The following NCAM2 variants were observed in gnomAD, a reference collection of about 807,000 sequenced individuals.
The protein encoded by NCAM2 is neural cell adhesion molecule 2.
NCAM2 carries 30 observed loss-of-function variants against 98.1 expected under a neutral mutation model. The ratio of observed to expected loss-of-function variants is 0.31; its 90% CI spans 0.23 to 0.41. The LOEUF (loss-of-function observed/expected upper bound fraction) is 0.41, where lower values mean the gene tolerates loss of function less well. NCAM2 is among the 10% of genes least tolerant of loss of function. The probability of loss-of-function intolerance (pLI) is 1.00; values close to 1 mark genes in which losing one functional copy is unlikely to be tolerated. For synonymous variants in NCAM2, 368 were observed against 342.4 expected (o/e 1.07, Z -0.83); for missense variants, 867 against 1,005.8 (o/e 0.86, Z 1.87).
intron 9 of NCAM2, among the ~76,000 whole-genome samples, chr21:21,387,946 C>T (rs1420903209): frequency 2.0e-5 from 3 of 152,172 alleles, no homozygotes; most frequent in Non-Finnish European, 4.4e-5. Flanking sequence ...AATAATTATG[C>T]ATCATAAACA....
At chr21:21,354,729 C>G (rs74781940) in intron 8 of NCAM2, among the ~76,000 whole-genome samples, 3,337 of 152,184 alleles carry the variant, frequency 0.022, 116 homozygotes, top group African/African-American at 0.077. Context: ...GTTTGTGGGT[C>G]CATGCACTTT....
intron 1 of NCAM2, among the ~76,000 whole-genome samples, chr21:21,090,059 A>G (rs1027016585): frequency 4.6e-5 from 7 of 152,160 alleles, no homozygotes; most frequent in Non-Finnish European, 8.8e-5. Context: ...TACTCAAAGC[A>G]TGGACCTAGG....
At chr21:21,241,039 T>G (rs2071045656) in intron 1 of NCAM2, among the ~76,000 whole-genome samples, 1 of 152,178 alleles carries the variant, frequency 6.6e-6, no homozygotes, top group Non-Finnish European at 1.5e-5. Context: ...AATATCATAG[T>G]GATTTGATGG....
rs756898636 is a variant in NCAM2 at position 21,172,652 on chromosome 21, TTTCTC to T, written c.56-107923_56-107919del. ...TTCAGCCTTTAACTGGATAAAGTGT[TTTCTC>T]TTACTTACTAAATGACACTATCAAT... On this transcript the variant is annotated intron_variant, in intron 1 of 17. Transcript: ENST00000400546. 3.9e-5 allele frequency among the ~76,000 whole-genome samples: 6 copies of T among 152,250 alleles called. No homozygotes were observed. In the East Asian group the frequency reaches 5.8e-4, roughly 15 times the overall value.
intron 1 of NCAM2, among the ~76,000 whole-genome samples, chr21:21,148,033 C>T (rs79276773): frequency 0.013 from 1,950 of 152,110 alleles, 47 homozygotes; most frequent in African/African-American, 0.044. Context: ...GGCATTGAGG[C>T]AGAGAGAGTG....
intron 8 of NCAM2, among the ~76,000 whole-genome samples, chr21:21,351,871 G>A (rs2075350246): frequency 6.6e-6 from 1 of 151,858 alleles, no homozygotes; most frequent in Non-Finnish European, 1.5e-5. Context: ...CTCAGCCTCT[G>A]GAGTTGCTAG....
intron 1 of NCAM2, among the ~76,000 whole-genome samples, chr21:21,151,101 T>G (rs2067435101): frequency 1.3e-5 from 2 of 151,908 alleles, no homozygotes; most frequent in South Asian, 4.1e-4. Context: ...CAGTGTTATT[T>G]AAATCAATTA....
intron 5 of NCAM2, 55 bp from the exon 6 acceptor site, chr21:21,324,328 G>A (rs1169152211): frequency 1.6e-6 from 2 of 1,263,372 alleles, no homozygotes; most frequent in African/African-American, 1.5e-5. Context: ...TTCTCTAAAT[G>A]ATGGTAGTGA....
chr21:21,196,346 C>G (rs2069004215), intron 1 of NCAM2, among the ~76,000 whole-genome samples: 1 of 152,194 alleles, frequency 6.6e-6, no homozygotes, highest in Non-Finnish European at 1.5e-5. Flanking sequence ...CAAGATAACT[C>G]TGGTGAGCCA....
chr21:21,185,847 A>G (rs1053072084), intron 1 of NCAM2, among the ~76,000 whole-genome samples: 3 of 152,230 alleles, frequency 2.0e-5, no homozygotes, highest in Non-Finnish European at 4.4e-5. Context: ...AATATATCAT[A>G]TTGAAGAAAA....
chr21:21,453,681 T>C (rs1193804101), intron 12 of NCAM2, among the ~76,000 whole-genome samples: 2 of 152,108 alleles, frequency 1.3e-5, no homozygotes, highest in Non-Finnish European at 2.9e-5. Context: ...TTCTGCCATA[T>C]GTTTAGTAAA....
chr21:21,432,302 T>C (rs1822371043), intron 12 of NCAM2, 21 bp downstream of exon 12: 1 of 1,608,608 alleles, frequency 6.2e-7, no homozygotes, highest in Non-Finnish European at 8.5e-7. Context: ...AATTTCAAAA[T>C]GTGTTGGTTA....
In NCAM2 at chr21:21,158,265, G is replaced by A. The variant is rs112563838; in HGVS notation, c.56-122313G>A. On this transcript the variant is annotated intron_variant, in intron 1 of 17. Transcript: ENST00000400546. Reference sequence around the variant, plus strand: ...ATAGCACATTCACACTGTTTTACTTGAATACAGCTAAATGTGTGTATATAT... The same window carrying A: ...ATAGCACATTCACACTGTTTTACTTAAATACAGCTAAATGTGTGTATATAT... Among the ~76,000 whole-genome samples the A allele has an allele frequency of 9.9e-3, 1,500 of 152,160 alleles. 17 individuals are homozygous for A. Among genetic ancestry groups the A allele is most frequent in the Non-Finnish European group, 0.015 (1,039 of 68,008 alleles).
chr21:21,309,723 T>C (rs968822507), intron 5 of NCAM2, among the ~76,000 whole-genome samples: 3 of 152,108 alleles, frequency 2.0e-5, no homozygotes, highest in African/African-American at 7.2e-5. Flanking sequence ...CTCTGTACTA[T>C]TAGCACTACC....
At chr21:21,357,510 C>T (rs925025578) in intron 8 of NCAM2, among the ~76,000 whole-genome samples, 2 of 151,970 alleles carry the variant, frequency 1.3e-5, no homozygotes, top group African/African-American at 4.8e-5. Flanking sequence ...GAGCCTGTAG[C>T]ATTTCAAATA....
chr21:21,338,300 A>C, intron 7 of NCAM2, 89 bp from the exon 8 acceptor site: 1 of 1,206,484 alleles, frequency 8.3e-7, no homozygotes, highest in Non-Finnish European at 1.2e-6. Flanking sequence ...ATACTATACT[A>C]TAGTAGACTT....
chr21:21,107,173 C>T (rs1227704688), intron 1 of NCAM2, among the ~76,000 whole-genome samples: 1 of 152,024 alleles, frequency 6.6e-6, no homozygotes, highest in Non-Finnish European at 1.5e-5. Flanking sequence ...ATTATTAATC[C>T]TGTTTACATT....
intron 8 of NCAM2, among the ~76,000 whole-genome samples, chr21:21,347,759 A>G (rs939651312): frequency 6.6e-6 from 1 of 152,100 alleles, no homozygotes; most frequent in Non-Finnish European, 1.5e-5. Context: ...AAATTCAACA[A>G]CACATTAGAC....
chr21:21,479,905 G>T (rs1054954045), intron 15 of NCAM2, among the ~76,000 whole-genome samples: 1 of 152,004 alleles, frequency 6.6e-6, no homozygotes, highest in Non-Finnish European at 1.5e-5. Flanking sequence ...GTTCTGCAAT[G>T]TTAAGATCTA....
Sources: allele counts gnomAD v4.1 joint callset (sites outside exome capture counted in the v4.1 genomes callset), GRCh38; gene constraint gnomAD v4.1.1; transcripts MANE v1.5; gene names NCBI Gene and HGNC (gene_info 2026-07-23, HGNC 2026-07-21).